STK3: variants seen among roughly 807,000 people sequenced by gnomAD.
STK3 encodes serine/threonine kinase 3, also known as serine/threonine-protein kinase 3.
STK3 carries 41 observed loss-of-function variants against 58.0 expected under a neutral mutation model. The observed-to-expected ratio is 0.71, with a 90% CI of 0.55 to 0.92. STK3 has a LOEUF of 0.92. Among genes scored for constraint, STK3 ranks in the 40% least tolerant of loss-of-function variants. The pLI is 0.00. For synonymous variants in STK3, 170 were observed against 191.0 expected (o/e 0.89, Z 0.91); for missense variants, 479 against 602.7 (o/e 0.79, Z 2.15).
chr8:98,776,806 CT>C (rs1315095902), intron 1 of STK3, among the ~76,000 whole-genome samples: 1 of 151,058 alleles, frequency 6.6e-6, no homozygotes, highest in African/African-American at 2.4e-5. Flanking sequence ...AATCCCAGCA[CT>C]TTGGAAGGCC....
intron 6 of STK3, among the ~76,000 whole-genome samples, chr8:98,694,002 T>G (rs1385809500): frequency 6.6e-6 from 1 of 152,218 alleles, no homozygotes; most frequent in African/African-American, 2.4e-5. Flanking sequence ...CCTTTCTTTG[T>G]GAAAAAAGTA....
intron 8 of STK3, among the ~76,000 whole-genome samples, chr8:98,555,721 A>T (rs942698972): frequency 1.3e-5 from 2 of 152,148 alleles, no homozygotes; most frequent in Non-Finnish European, 1.5e-5. Flanking sequence ...TAGTGGTCTA[A>T]ATATTTTTAA....
At chr8:98,610,827 T>C (rs1261046121) in intron 6 of STK3, among the ~76,000 whole-genome samples, 1 of 152,204 alleles carries the variant, frequency 6.6e-6, no homozygotes, top group Admixed American at 6.5e-5. Context: ...CATACTATCC[T>C]CAAAATTATC....
intron 4 of STK3, among the ~76,000 whole-genome samples, chr8:98,709,914 G>T (rs1457041237): frequency 7.4e-6 from 1 of 135,614 alleles, no homozygotes; most frequent in East Asian, 2.0e-4. Context: ...AAAAGTAATC[G>T]CAGTTTTTGC....
chr8:98,662,938 C>A (rs1000539644), intron 6 of STK3, among the ~76,000 whole-genome samples: 41 of 152,128 alleles, frequency 2.7e-4, no homozygotes, highest in African/African-American at 9.6e-4. Context: ...AGAAGAAAAC[C>A]TAGGCAATAC....
intron 3 of STK3, among the ~76,000 whole-genome samples, chr8:98,425,350 CACAA>C (rs1211582465): frequency 7.6e-6 from 1 of 131,600 alleles, no homozygotes; most frequent in Non-Finnish European, 1.7e-5. Context: ...CACACACACA[CACAA>C]ACACACTGGG....
intron 1 of STK3, among the ~76,000 whole-genome samples, chr8:98,812,096 C>T (rs1001591674): frequency 6.6e-6 from 1 of 152,166 alleles, no homozygotes; most frequent in African/African-American, 2.4e-5. Flanking sequence ...AGGGGTGAGC[C>T]ACCATGCCTG....
intron 10 of STK3, among the ~76,000 whole-genome samples, chr8:98,521,227 C>A (rs1825337016): frequency 3.3e-5 from 5 of 152,156 alleles, no homozygotes; most frequent in South Asian, 2.1e-4. Context: ...CTATATAAGT[C>A]AAAAATAAAT....
intron 1 of STK3, among the ~76,000 whole-genome samples, chr8:98,815,811 G>T (rs1381034467): frequency 6.6e-6 from 1 of 152,134 alleles, no homozygotes; most frequent in Admixed American, 6.6e-5. Context: ...CTAAACAGAA[G>T]ATGAGGGGAA....
intron 1 of STK3, among the ~76,000 whole-genome samples, chr8:98,820,553 A>G (rs1834824676): frequency 6.6e-6 from 1 of 152,202 alleles, no homozygotes; most frequent in South Asian, 2.1e-4. Flanking sequence ...TCTATCATAG[A>G]GACCCACCTC....
chr8:98,530,383 T>C (rs781619901), intron 9 of STK3, among the ~76,000 whole-genome samples: 3 of 152,214 alleles, frequency 2.0e-5, no homozygotes, highest in Non-Finnish European at 4.4e-5. Context: ...ATCATTTAGC[T>C]TCCACTTGTA....
At chr8:98,915,622 A>G (rs1185288625) in intron 1 of STK3, among the ~76,000 whole-genome samples, 1 of 151,676 alleles carries the variant, frequency 6.6e-6, no homozygotes, top group Non-Finnish European at 1.5e-5. Flanking sequence ...TTGAAATGCA[A>G]ATAATAATTA....
At chr8:98,689,743 A>G (rs1824256789) in intron 6 of STK3, among the ~76,000 whole-genome samples, 2 of 152,260 alleles carry the variant, frequency 1.3e-5, no homozygotes, top group Middle Eastern at 6.8e-3. Flanking sequence ...TGACTGCACC[A>G]CTGCACCCCA....
chr8:98,461,565 T>C (rs1181423584), intron 10 of STK3, among the ~76,000 whole-genome samples: 2 of 152,328 alleles, frequency 1.3e-5, no homozygotes, highest in African/African-American at 2.4e-5. Context: ...CATTGTGTTA[T>C]TGTATTACAG....
chr8:98,618,919 C>T (rs1229218404), intron 6 of STK3, among the ~76,000 whole-genome samples: 8 of 150,228 alleles, frequency 5.3e-5, no homozygotes, highest in African/African-American at 2.0e-4. Flanking sequence ...AATGCCATCC[C>T]CATCAAGCTA....
the STK3 span, among the ~76,000 whole-genome samples, chr8:98,356,584 C>G: frequency 6.6e-6 from 1 of 152,128 alleles, no homozygotes; most frequent in African/African-American, 2.4e-5. Flanking sequence ...ACATGCAGAT[C>G]CCAAATGTGG....
chr8:98,554,019 C>A (rs961236189), intron 8 of STK3, among the ~76,000 whole-genome samples: 3 of 151,492 alleles, frequency 2.0e-5, no homozygotes, highest in Non-Finnish European at 4.4e-5. Flanking sequence ...GGCAAAGGAA[C>A]CTGAGGCTCA....
At chr8:98,771,490 T>G (rs1380741723) in intron 2 of STK3, among the ~76,000 whole-genome samples, 1 of 152,146 alleles carries the variant, frequency 6.6e-6, no homozygotes, top group Non-Finnish European at 1.5e-5. Flanking sequence ...TATTTTCTAT[T>G]TTCTTTAGTC....
At chr8:98,446,370 GTGCTTAATAGA>G (rs1260786551) in intron 1 of STK3, among the ~76,000 whole-genome samples, 1 of 152,182 alleles carries the variant, frequency 6.6e-6, no homozygotes, top group Non-Finnish European at 1.5e-5. Flanking sequence ...CACACAGTTG[GTGCTTAATAGA>G]TGCTTGTTGA....
Sources: allele counts gnomAD v4.1 joint callset (sites outside exome capture counted in the v4.1 genomes callset), GRCh38; gene constraint gnomAD v4.1.1; transcripts MANE v1.5; gene names NCBI Gene and HGNC (gene_info 2026-07-23, HGNC 2026-07-21).